The following RASEF variants were observed in gnomAD, a reference collection of about 807,000 sequenced individuals.
The protein encoded by RASEF is RAS and EF-hand domain containing, also known as ras and EF-hand domain-containing protein.
In RASEF, 68 loss-of-function variants were observed where a neutral mutation model predicts 90.1. The observed-to-expected ratio is 0.75, with a 90% confidence interval of 0.62 to 0.92. The LOEUF (loss-of-function observed/expected upper bound fraction) is 0.92, where lower values mean the gene tolerates loss of function less well. RASEF is among the 40% of genes least tolerant of loss of function. The pLI is 0.00. For synonymous variants in RASEF, 331 were observed against 345.2 expected, an observed-to-expected ratio of 0.96 and a Z score of 0.46; for missense variants, 949 against 937.2, an observed-to-expected ratio of 1.01 and a Z score of -0.16.
In RASEF at chr9:83,009,671, T is replaced by C; in HGVS notation, c.929A>G (p.Asp310Gly). ...AGTATTCAGACTCTGATCAGCATAATCACTTTTCAAAGCATCTAACTCACT... is the reference window on the plus strand; with the variant it reads ...AGTATTCAGACTCTGATCAGCATAACCACTTTTCAAAGCATCTAACTCACT... ...LQSELDALKS[D>G]YADQSLNTER... Residue 310 changes from aspartate to glycine, a missense_variant, in exon 6 of 17, where the codon GAT becomes GGT. By Grantham distance (94) the Asp-to-Gly change is moderately conservative (BLOSUM62 -1). Transcript: ENST00000376447. 1 of 1,611,148 alleles carries C rather than the reference T, an allele frequency of 6.2e-7. No homozygotes were observed.
At chr9:83,104,123 T>A in the RASEF span, among the ~76,000 whole-genome samples, 1 of 152,218 alleles carries the variant, frequency 6.6e-6, no homozygotes, top group South Asian at 2.1e-4. Flanking sequence ...TGAAAATTTC[T>A]GTAAGACTTA....
At chr9:83,164,034 C>T in the RASEF span, among the ~76,000 whole-genome samples, 2 of 148,342 alleles carry the variant, frequency 1.3e-5, no homozygotes, top group East Asian at 3.9e-4. Flanking sequence ...ATTCTGTAAC[C>T]TACAAAACTA....
intron 1 of RASEF, among the ~76,000 whole-genome samples, chr9:83,056,952 T>C (rs1311085862): frequency 6.6e-6 from 1 of 152,172 alleles, no homozygotes; most frequent in African/African-American, 2.4e-5. Flanking sequence ...AAGTCCAAAA[T>C]ACCTTTCCAA....
In RASEF at chr9:83,032,751, C is replaced by T. The variant is rs567018798; in HGVS notation, c.432-6830G>A. On this transcript the variant is annotated intron_variant, in intron 1 of 16. Transcript: ENST00000376447. ...TAAATAGCAAATATTCCCATTGAAG[C>T]TGAGAGGGAAATTATACGTACTTGA... is the stretch of plus-strand genomic sequence containing the variant. Among the ~76,000 whole-genome samples the T allele has an allele frequency of 5.9e-5, 9 of 152,244 alleles. No individual in the cohort carries two copies. The South Asian group carries it at 1.9e-3, about 32-fold the overall frequency.
chr9:83,068,430 A>G, the RASEF span, among the ~76,000 whole-genome samples: 2 of 152,238 alleles, frequency 1.3e-5, no homozygotes, highest in African/African-American at 4.8e-5. Flanking sequence ...GTGAGCTGCC[A>G]TGTCATGAGA....
At chr9:83,185,981 A>AGG in the RASEF span, among the ~76,000 whole-genome samples, 2 of 151,674 alleles carry the variant, frequency 1.3e-5, no homozygotes, top group Non-Finnish European at 2.9e-5. Context: ...GGGGGGGGCA[A>AGG]GGGGGGTGTT....
the RASEF span, among the ~76,000 whole-genome samples, chr9:83,159,354 A>T: frequency 6.6e-6 from 1 of 152,182 alleles, no homozygotes; most frequent in Non-Finnish European, 1.5e-5. Flanking sequence ...AAGTCCCCTA[A>T]GTTTTGGTTT....
chr9:83,170,523 C>T, the RASEF span, among the ~76,000 whole-genome samples: 1 of 151,642 alleles, frequency 6.6e-6, no homozygotes, highest in South Asian at 2.1e-4. Flanking sequence ...AGTATGGATG[C>T]TAAAAATATT....
intron 1 of RASEF, among the ~76,000 whole-genome samples, chr9:83,062,234 T>C (rs1007060750): frequency 1.3e-5 from 2 of 152,070 alleles, no homozygotes; most frequent in African/African-American, 4.8e-5. Context: ...CGTAAAACTT[T>C]CTCCCCAAAC....
chr9:83,021,002 T>C (rs1829434391), intron 3 of RASEF, among the ~76,000 whole-genome samples: 1 of 152,210 alleles, frequency 6.6e-6, no homozygotes, highest in Non-Finnish European at 1.5e-5. Context: ...GACGTCCAGC[T>C]TCTTATTAAA....
intron 2 of RASEF, among the ~76,000 whole-genome samples, chr9:83,023,399 C>G (rs17085959): frequency 0.03 from 4,511 of 152,216 alleles, 206 homozygotes; most frequent in African/African-American, 0.1. Context: ...TAATAAATGA[C>G]AGGGCTTAAA....
the RASEF span, among the ~76,000 whole-genome samples, chr9:83,154,327 T>G: frequency 6.6e-6 from 1 of 152,216 alleles, no homozygotes; most frequent in Non-Finnish European, 1.5e-5. Flanking sequence ...TTTGGCCTCT[T>G]TGCTTTATCT....
At chr9:83,049,594 G>C (rs1830004510) in intron 1 of RASEF, among the ~76,000 whole-genome samples, 1 of 133,900 alleles carries the variant, frequency 7.5e-6, no homozygotes, top group Non-Finnish European at 1.5e-5. Context: ...CATTGTGCAG[G>C]TTAGTTACAT....
At chr9:83,054,811 G>A (rs916779532) in intron 1 of RASEF, 2 of 150,848 alleles carry the variant, frequency 1.3e-5, no homozygotes, top group African/African-American at 5.0e-5. Context: ...GCCGTGTGAG[G>A]TGTCAGTGTG....
In RASEF at chr9:82,980,096, TTAAAA is replaced by T. The variant is rs1386995234; in HGVS notation, c.*2576_*2580del. On this transcript the variant is annotated 3_prime_UTR_variant, in exon 17 of 17. Transcript: ENST00000376447. ...TCCAACATTATTTTCCACAATGAAA[TTAAAA>T]TATTTTACAATGTATCAGGATACAT... 1 of 152,132 alleles carries T rather than the reference TTAAAA, an allele frequency of 6.6e-6. No homozygotes were observed. The highest frequency in any genetic ancestry group is 1.5e-5 in the Non-Finnish European group (1 of 68,020). The allele number at this position is 152,132 out of a possible 1,614,324, so 9.4% of individuals were successfully genotyped here.
At chr9:83,004,441 C>A (rs1587487120) in intron 9 of RASEF, 57 bp downstream of exon 9, 1 of 255,878 alleles carries the variant, frequency 3.9e-6, no homozygotes, top group Non-Finnish European at 6.1e-6. Flanking sequence ...AGGAAATTTA[C>A]TTTCCTTTTA....
chr9:83,078,074 C>A, the RASEF span, among the ~76,000 whole-genome samples: 1 of 152,186 alleles, frequency 6.6e-6, no homozygotes, highest in East Asian at 1.9e-4. Context: ...ATCATCACCA[C>A]CTGGGAAATT....
chr9:83,036,193 C>T (rs754445627), intron 1 of RASEF, among the ~76,000 whole-genome samples: 3 of 152,322 alleles, frequency 2.0e-5, no homozygotes, highest in Non-Finnish European at 2.9e-5. Flanking sequence ...AGAACACTCA[C>T]ATTCACTGAT....
At chr9:82,996,900 G>T in intron 14 of RASEF, 112 bp downstream of exon 14, 1 of 658,848 alleles carries the variant, frequency 1.5e-6, no homozygotes, top group Admixed American at 2.3e-5. Flanking sequence ...CTGATGGCTT[G>T]GATCAATGGT....
Sources: allele counts gnomAD v4.1 joint callset (sites outside exome capture counted in the v4.1 genomes callset), GRCh38; gene constraint gnomAD v4.1.1; transcripts MANE v1.5; gene names NCBI Gene and HGNC (gene_info 2026-07-23, HGNC 2026-07-21).